Variants in SNX27 observed in about 807,000 individuals in gnomAD.
The protein encoded by SNX27 is sorting nexin-27.
A neutral mutation model predicts 71.6 loss-of-function variants in SNX27; 22 were observed. The observed-to-expected ratio is 0.31, with a 90% CI of 0.22 to 0.44. SNX27 has a LOEUF of 0.44. SNX27 is among the 20% of genes least tolerant of loss of function. The pLI, the probability that SNX27 is intolerant of heterozygous loss-of-function variation, is 1.00. For synonymous variants in SNX27, 269 were observed against 277.2 expected (o/e 0.97, Z 0.29); for missense variants, 531 against 698.6 (o/e 0.76, Z 2.70).
chr1:151,681,327 C>T (rs372506851), intron 7 of SNX27, among the ~76,000 whole-genome samples: 2 of 147,082 alleles, frequency 1.4e-5, no homozygotes, highest in African/African-American at 2.6e-5. Context: ...CTGCAAGTTC[C>T]GCCTCCTGGG....
chr1:151,635,443 T>C lies in SNX27; in HGVS notation c.312-3445T>C, dbSNP rs111810549. Among the ~76,000 whole-genome samples the C allele has an allele frequency of 3.8e-3, 578 of 152,358 alleles. 1 individual carries two copies. Among genetic ancestry groups the C allele is most frequent in the Non-Finnish European group, 5.3e-3 (359 of 68,040 alleles). On this transcript the variant is annotated intron_variant, in intron 1 of 11. Coordinates refer to ENST00000458013, the MANE Select transcript of SNX27 (RefSeq NM_001330723.2). ...CCTGAAGTCTGTACTGCTGAAAGTT[T>C]CTCCTTATTGAAGAATTTATATTTT...
At chr1:151,638,198 A>G (rs1290335022) in intron 1 of SNX27, among the ~76,000 whole-genome samples, 1 of 152,270 alleles carries the variant, frequency 6.6e-6, no homozygotes, top group African/African-American at 2.4e-5. Context: ...CTGATTACAC[A>G]GGACTCTAAA....
At chr1:151,646,112 T>C (rs1669022721) in intron 2 of SNX27, among the ~76,000 whole-genome samples, 1 of 152,236 alleles carries the variant, frequency 6.6e-6, no homozygotes, top group Admixed American at 6.5e-5. Context: ...TTATCCCTGG[T>C]AATATTCTTT....
chr1:151,665,020 C>T (rs531331830), intron 5 of SNX27, among the ~76,000 whole-genome samples: 2 of 152,256 alleles, frequency 1.3e-5, no homozygotes, highest in East Asian at 1.9e-4. Context: ...ACCTAGGCCT[C>T]ATATGTGAGC....
chr1:151,643,661 T>A (rs1328826728), intron 2 of SNX27, among the ~76,000 whole-genome samples: 2 of 151,930 alleles, frequency 1.3e-5, no homozygotes, highest in African/African-American at 4.8e-5. Context: ...TAGGGTTTTT[T>A]TTATTTTTTT....
chr1:151,666,070 T>A, intron 6 of SNX27, 59 bp downstream of exon 6: 1 of 1,373,340 alleles, frequency 7.3e-7, no homozygotes, highest in Admixed American at 1.8e-5. Context: ...AAGAAACATT[T>A]ACCTAGAGAA....
intron 1 of SNX27, among the ~76,000 whole-genome samples, chr1:151,620,957 T>C (rs1667646496): frequency 6.6e-6 from 1 of 152,184 alleles, no homozygotes; most frequent in African/African-American, 2.4e-5. Flanking sequence ...CCCAAAGTAC[T>C]GGGATTACAG....
chr1:151,658,195 G>T, intron 2 of SNX27, 40 bp from the exon 3 acceptor site: 1 of 1,550,916 alleles, frequency 6.4e-7, no homozygotes, highest in South Asian at 1.2e-5. Flanking sequence ...GATTTAATTT[G>T]TATTAAGTAT....
intron 2 of SNX27, 40 bp from the exon 3 acceptor site, chr1:151,658,195 G>A: frequency 6.4e-7 from 1 of 1,550,916 alleles, no homozygotes; most frequent in East Asian, 2.3e-5. Context: ...GATTTAATTT[G>A]TATTAAGTAT....
intron 5 of SNX27, among the ~76,000 whole-genome samples, chr1:151,665,061 T>C (rs1436241379): frequency 6.6e-6 from 1 of 152,210 alleles, no homozygotes; most frequent in Admixed American, 6.5e-5. Context: ...TAATCACATT[T>C]GGCTTACTGA....
At chr1:151,693,508 G>GA in intron 11 of SNX27, 25 bp downstream of exon 11, 1 of 1,613,696 alleles carries the variant, frequency 6.2e-7, no homozygotes, top group Non-Finnish European at 8.5e-7. Flanking sequence ...TCCTTGAATT[G>GA]ACCTTTTCAT....
chr1:151,690,644 A>G (rs758300501), intron 8 of SNX27, among the ~76,000 whole-genome samples: 5 of 149,188 alleles, frequency 3.4e-5, no homozygotes, highest in Admixed American at 6.7e-5. Context: ...ATGGGGTTTC[A>G]CTATATTGCC....
At chr1:151,644,346 T>C (rs112276285) in intron 2 of SNX27, among the ~76,000 whole-genome samples, 178 of 152,364 alleles carry the variant, frequency 1.2e-3, no homozygotes, top group African/African-American at 4.0e-3. Flanking sequence ...CTCTGTCTTA[T>C]AGATTTGCGT....
At chr1:151,663,976 G>T (rs1670075914) in intron 5 of SNX27, among the ~76,000 whole-genome samples, 3 of 151,538 alleles carry the variant, frequency 2.0e-5, no homozygotes, top group Non-Finnish European at 4.4e-5. Context: ...ACTTTTCCTT[G>T]TCAACTAACG....
intron 7 of SNX27, among the ~76,000 whole-genome samples, chr1:151,682,376 C>T (rs954068669): frequency 2.0e-5 from 3 of 152,124 alleles, no homozygotes; most frequent in Admixed American, 1.3e-4. Context: ...GGCTGGAGTG[C>T]AGTGGCATGA....
At chr1:151,630,924 C>T (rs973860102) in intron 1 of SNX27, among the ~76,000 whole-genome samples, 7 of 151,984 alleles carry the variant, frequency 4.6e-5, no homozygotes, top group African/African-American at 1.2e-4. Context: ...TCCAGCTACT[C>T]GGGAGGCTGA....
Position 151,696,310 on chromosome 1 carries a change from C to CT in SNX27, c.*1896dup, listed in dbSNP as rs998739534. 3 of 152,202 alleles carry CT rather than the reference C, an allele frequency of 2.0e-5. No homozygotes were observed. The highest frequency in any genetic ancestry group is 2.9e-5 in the Non-Finnish European group (2 of 68,044). 9.4% of individuals were successfully genotyped at this position (152,202 alleles called of 1,614,324 possible). On this transcript the variant is annotated 3_prime_UTR_variant, in exon 12 of 12. Coordinates refer to ENST00000458013, the MANE Select transcript of SNX27 (RefSeq NM_001330723.2). ...GAGCCTTTTCTTTTTCCCTTCTCCC[C>CT]TTTCTAAACAAAAACCTTCCTAGGA... is the stretch of plus-strand genomic sequence containing the variant.
Position 151,612,355 on chromosome 1 carries a change from G to T in SNX27, c.154G>T (p.Gly52Cys). The part of the protein sequence containing the change: ...RVVRIVKSES[G>C]YGFNVRGQVS... ...CGTGCGCATCGTCAAGTCCGAGTCC[G>T]GCTACGGCTTCAACGTGCGGGGCCA... The change falls in exon 1 of 12, where the codon GGC becomes TGC. Residue 52 changes from glycine to cysteine, a missense_variant. Transcript: ENST00000458013. The surrounding 1 kb of genome is among the most constrained non-coding windows in gnomAD (Gnocchi z 5.2). The T allele has an allele frequency of 6.5e-7, 1 of 1,549,024 alleles. No homozygotes were observed. Among genetic ancestry groups the T allele is most frequent in the Non-Finnish European group, 8.7e-7 (1 of 1,152,516 alleles).
chr1:151,698,883 A>G lies in SNX27; in HGVS notation c.*4466A>G, dbSNP rs1045720289. 7 of 152,592 alleles carry G rather than the reference A, an allele frequency of 4.6e-5. No homozygotes were observed. Among genetic ancestry groups the G allele is most frequent in the African/African-American group, 1.7e-4 (7 of 41,450 alleles). The allele number at this position is 152,592 out of a possible 1,614,324, so 9.5% of individuals were successfully genotyped here. The stretch of plus-strand genomic sequence containing the variant: ...TTTATTTCAGAGAAACTCTAATTGT[A>G]TTTTCACTGCAGTATCTTGTATTTT... On this transcript the variant is annotated 3_prime_UTR_variant, in exon 12 of 12. Coordinates refer to ENST00000458013, the MANE Select transcript of SNX27 (RefSeq NM_001330723.2).
Sources: allele counts gnomAD v4.1 joint callset (sites outside exome capture counted in the v4.1 genomes callset), GRCh38; gene constraint gnomAD v4.1.1; non-coding constraint Gnocchi (gnomAD v3.1); transcripts MANE v1.5; gene names NCBI Gene and HGNC (gene_info 2026-07-23, HGNC 2026-07-21).